GRK6: variants seen among roughly 807,000 people sequenced by gnomAD.
GRK6 encodes the protein G protein-coupled receptor kinase 6.
GRK6 carries 37 observed loss-of-function variants against 80.8 expected under a neutral mutation model. The observed-to-expected ratio is 0.46, with a 90% CI of 0.35 to 0.60. The LOEUF (loss-of-function observed/expected upper bound fraction) is 0.60, where lower values mean the gene tolerates loss of function less well. GRK6 is among the 20% of genes least tolerant of loss of function. The probability of loss-of-function intolerance (pLI) is 0.00; values close to 1 mark genes in which losing one functional copy is unlikely to be tolerated. For missense variants in GRK6, 560 were observed against 784.6 expected (o/e 0.71, Z 3.42); for synonymous variants, 295 against 320.9 (o/e 0.92, Z 0.86).
In GRK6 at chr5:177,430,963, C is replaced by T. The variant is rs757475827; in HGVS notation, c.144C>T (p.Ser48=). 6 of 1,612,874 alleles carry T rather than the reference C, an allele frequency of 3.7e-6. No individual in the cohort carries two copies. The Admixed American group carries it at 8.3e-5, about 22-fold the overall frequency. ...GCCAGTGCGAAGAGCTGCGGCTCAG[C>T]CTCGGTGAGGCCTGGGCAGAGACTG... is the stretch of plus-strand genomic sequence containing the variant. The part of the protein sequence containing the change: ...HISQCEELRL[S]LERDYHSLCE... The change falls in exon 2 of 16, where the codon AGC becomes AGT. Residue 48 remains serine (S), a synonymous_variant. Coordinates refer to ENST00000355472, the MANE Select transcript of GRK6 (RefSeq NM_001004106.3).
At chr5:177,438,634 G>A (rs1457261482) in intron 13 of GRK6, 2 of 152,378 alleles carry the variant, frequency 1.3e-5, no homozygotes, top group Non-Finnish European at 1.5e-5. Flanking sequence ...TGCAGGCAAA[G>A]AGGAGTGCCG....
Position 177,434,902 on chromosome 5 carries a change from G to A in GRK6, c.930G>A (p.Arg310=). 1 of 1,613,826 alleles carries A rather than the reference G, an allele frequency of 6.2e-7. No homozygotes were observed. Among genetic ancestry groups the A allele is most frequent in the Non-Finnish European group, 8.5e-7 (1 of 1,180,024 alleles). Residue 310 remains arginine, a splice_region_variant and synonymous_variant, in exon 10 of 16, where the codon AGG becomes AGA. Coordinates refer to ENST00000355472, the MANE Select transcript of GRK6 (RefSeq NM_001004106.3). ...EDLHRERIVY[R]DLKPENILLD... The stretch of plus-strand genomic sequence containing the variant: ...TGACCCTGCTCTTCTCTCTGCACAG[G>A]GACCTGAAGCCCGAGAACATCTTGC...
chr5:177,430,839 G>C, intron 1 of GRK6, 33 bp from the exon 2 acceptor site: 1 of 1,595,238 alleles, frequency 6.3e-7, no homozygotes, highest in South Asian at 1.1e-5. Context: ...GAGGCAGTGG[G>C]ACTCGAGACC....
chr5:177,441,213 G>C, intron 15 of GRK6, 160 bp downstream of exon 15: 7 of 1,508,190 alleles, frequency 4.6e-6, no homozygotes, highest in Non-Finnish European at 6.4e-6. Flanking sequence ...CCCCACCCCT[G>C]GCTGGGCTCA....
rs1763690249 is a variant in GRK6 at position 177,426,759 on chromosome 5, A to C, written c.-87A>C. ...CTGCGAGCCGAGCCGAGCCGCGCCG[A>C]GCCGCGCCGATCGCCATCCGGCCTC... On this transcript the variant is annotated 5_prime_UTR_variant, in exon 1 of 16. Coordinates refer to ENST00000355472, the MANE Select transcript of GRK6 (RefSeq NM_001004106.3). 3 of 682,114 alleles carry C rather than the reference A, an allele frequency of 4.4e-6. No individual in the cohort carries two copies. Among genetic ancestry groups the C allele is most frequent in the Non-Finnish European group, 3.6e-6 (2 of 553,908 alleles). 42.3% of individuals were successfully genotyped at this position (682,114 alleles called of 1,614,324 possible).
chr5:177,431,711 G>A lies in GRK6; in HGVS notation c.149-284G>A, dbSNP rs1177160813. On this transcript the variant is annotated intron_variant, in intron 2 of 15. Transcript: ENST00000355472. ...CCCAGTACCGTGACATACGCAAGTC[G>A]TGTAAATCAGGAGACAATGCAGGGA... 20 of 480,540 alleles carry A rather than the reference G, an allele frequency of 4.2e-5. 1 individual carries two copies. Among genetic ancestry groups the A allele is most frequent in the South Asian group, 3.4e-4 (16 of 46,548 alleles). The allele number at this position is 480,540 out of a possible 1,614,324, so 29.8% of individuals were successfully genotyped here.
At chr5:177,426,172 A>C (rs1046176582), upstream of GRK6, among the ~76,000 whole-genome samples, 4 of 152,142 alleles carry the variant, frequency 2.6e-5, no homozygotes, top group African/African-American at 9.7e-5. Flanking sequence ...ACACAAGTGG[A>C]CCAAACAAAC....
chr5:177,440,635 G>A (rs1245893929), intron 13 of GRK6, 65 bp from the exon 14 acceptor site: 12 of 1,586,700 alleles, frequency 7.6e-6, no homozygotes, highest in East Asian at 2.3e-5. Flanking sequence ...GCAGAATCAG[G>A]GCTGAGCTGC....
At chr5:177,432,457 C>T (rs1763947701) in intron 4 of GRK6, 147 bp downstream of exon 4, 3 of 896,962 alleles carry the variant, frequency 3.3e-6, no homozygotes, top group Non-Finnish European at 5.2e-6. Flanking sequence ...CCTGGAGCTG[C>T]TCCAGGCAGC....
chr5:177,441,693 G>A (rs370412143), intron 15 of GRK6, 44 bp from the exon 16 acceptor site: 26 of 1,502,712 alleles, frequency 1.7e-5, no homozygotes, highest in Non-Finnish European at 2.3e-5. Flanking sequence ...AATGGCACCT[G>A]CTCTGCCTCT....
In GRK6 at chr5:177,433,973, G is replaced by A; in HGVS notation, c.798G>A (p.Met266Ile). 1 of 1,612,204 alleles carries A rather than the reference G, an allele frequency of 6.2e-7. No individual in the cohort carries two copies. The highest frequency in any genetic ancestry group is 1.1e-5 in the South Asian group (1 of 90,910). ...KDALCLVLTLMNGGDLKFHIY... is the reference protein window; with the variant it reads ...KDALCLVLTLINGGDLKFHIY... ...CGCTGTGCCTGGTGCTGACACTGAT[G>A]AACGGGGGCGACCTCAAGTTCCACA... The change falls in exon 9 of 16, where the codon ATG becomes ATA. Residue 266 changes from methionine to isoleucine, a missense_variant. Met to Ile is a conservative substitution (Grantham distance 10, BLOSUM62 1). Transcript: ENST00000355472.
Position 177,432,766 on chromosome 5 carries a change from G to A in GRK6, c.400G>A (p.Glu134Lys). 1 of 1,612,540 alleles carries A rather than the reference G, an allele frequency of 6.2e-7. No individual in the cohort carries two copies. Among genetic ancestry groups the A allele is most frequent in the Non-Finnish European group, 8.5e-7 (1 of 1,179,540 alleles). ...GGTGACGAACTGCACCCAGCGGCTGGAGCAGGGTCCCTGCAAAGACCTTTT... is the reference window on the plus strand; with the variant it reads ...GGTGACGAACTGCACCCAGCGGCTGAAGCAGGGTCCCTGCAAAGACCTTTT... ...QLVTNCTQRLEQGPCKDLFQE... is the reference protein window; with the variant it reads ...QLVTNCTQRLKQGPCKDLFQE... Residue 134 changes from glutamate (E) to lysine (K), a missense_variant, in exon 5 of 16, where the codon GAG becomes AAG. Coordinates refer to ENST00000355472, the MANE Select transcript of GRK6 (RefSeq NM_001004106.3).
At position 177,429,259 on chromosome 5, in the gene GRK6, A is replaced by G. The variant is rs1763789001; in HGVS notation, c.53-1613A>G. On this transcript the variant is annotated intron_variant, in intron 1 of 15. Coordinates refer to ENST00000355472, the MANE Select transcript of GRK6 (RefSeq NM_001004106.3). This position sits in a 1 kb window ranked among gnomAD's most constrained non-coding sequence, Gnocchi z 4.3. ...CTTCTCTTCCCAGGCACTCAGAGGC[A>G]TGGGGAGGGGGCCCAGGGACACTGA... Among the ~76,000 whole-genome samples the G allele has an allele frequency of 6.7e-6, 1 of 149,526 alleles. No homozygotes were observed. The highest frequency in any genetic ancestry group is 1.5e-5 in the Non-Finnish European group (1 of 67,476).
upstream of GRK6, among the ~76,000 whole-genome samples, chr5:177,426,043 G>T (rs1165907906): frequency 6.6e-6 from 1 of 152,224 alleles, no homozygotes; most frequent in Non-Finnish European, 1.5e-5. Flanking sequence ...GCTGGGCGGG[G>T]CGCCTGCGGC....
chr5:177,439,638 C>CAA (rs111784319), intron 13 of GRK6, among the ~76,000 whole-genome samples: 4 of 126,666 alleles, frequency 3.2e-5, no homozygotes, highest in Non-Finnish European at 6.8e-5. Context: ...CCCCACTCTG[C>CAA]AAAAAAAAAA....
At chr5:177,430,122 C>A (rs1202661975) in intron 1 of GRK6, among the ~76,000 whole-genome samples, 4 of 152,106 alleles carry the variant, frequency 2.6e-5, no homozygotes, top group Admixed American at 2.0e-4. Context: ...CACATTGAGC[C>A]AGAAACCCTC....
At chr5:177,431,774 G>A (rs1763899556) in intron 2 of GRK6, 1 of 585,660 alleles carries the variant, frequency 1.7e-6, no homozygotes, top group Non-Finnish European at 3.0e-6. Flanking sequence ...CAGACTCCCG[G>A]CTGTGTGACA....
At chr5:177,438,117 C>T (rs567241348) in intron 13 of GRK6, among the ~76,000 whole-genome samples, 1 of 152,252 alleles carries the variant, frequency 6.6e-6, no homozygotes, top group East Asian at 1.9e-4. Flanking sequence ...GCTGTAATCC[C>T]AGCACTTTGG....
Position 177,442,133 on chromosome 5 carries a change from T to G in GRK6, c.*343T>G. On this transcript the variant is annotated 3_prime_UTR_variant, in exon 16 of 16. Transcript: ENST00000355472. ...CTTGGCTCCTGGGGGCAGCCAGCCC[T>G]GGCTGGGAGAGCGGGAGCTGGCAGA... The G allele has an allele frequency of 1.2e-5, 4 of 325,770 alleles. No individual in the cohort carries two copies. Among genetic ancestry groups the G allele is most frequent in the Non-Finnish European group, 5.7e-6 (1 of 176,176 alleles). 20.2% of individuals were successfully genotyped at this position (325,770 alleles called of 1,614,324 possible). A position where few individuals can be genotyped will look rare whatever the true frequency, so the allele number is the denominator to read the frequency against.
Sources: gnomAD v4.1 joint callset for allele counts (sites outside exome capture counted in the v4.1 genomes callset) on GRCh38, gnomAD v4.1.1 for gene constraint, Gnocchi (gnomAD v3.1) non-coding constraint, MANE v1.5 for transcripts, NCBI Gene and HGNC (gene_info 2026-07-23, HGNC 2026-07-21) for gene names.